MAPK10: variants seen among roughly 807,000 people sequenced by gnomAD.
MAPK10 encodes mitogen-activated protein kinase 10, also known as JNK3 alpha protein kinase.
A neutral mutation model predicts 59.3 loss-of-function variants in MAPK10; 25 were observed. The observed-to-expected ratio is 0.42, with a 90% CI of 0.31 to 0.59. The LOEUF (loss-of-function observed/expected upper bound fraction) is 0.59. Ranked by LOEUF, MAPK10 falls within the 20% of genes least tolerant of loss-of-function variation. The pLI is 0.15. For synonymous variants in MAPK10, 190 were observed against 200.5 expected, an observed-to-expected ratio of 0.95 and a Z score of 0.44; for missense variants, 351 against 568.9, an observed-to-expected ratio of 0.62 and a Z score of 3.90.
chr4:86,237,590 A>T (rs539982397), intron 2 of MAPK10, among the ~76,000 whole-genome samples: 258 of 152,162 alleles, frequency 1.7e-3, no homozygotes, highest in Non-Finnish European at 3.4e-3. Flanking sequence ...TTTGAAATGC[A>T]TTTCTCTGAT....
rs544794774 is a variant in MAPK10 at position 86,482,485 on chromosome 4, G to C, written c.-263+111425C>G. ...GTTACGTGCCATGATTTGAAGGATG[G>C]TGGGGGGATGCAGAGGGAGGAAGAA... On this transcript the variant is annotated intron_variant, in intron 1 of 4. Transcript: ENST00000502302. Among the ~76,000 whole-genome samples, 9 of 152,206 alleles carry C rather than the reference G, an allele frequency of 5.9e-5. No homozygotes were observed. In the South Asian group the frequency reaches 1.9e-3, roughly 32 times the overall value.
At position 86,017,118 on chromosome 4, in the gene MAPK10, T is replaced by A; in HGVS notation, c.*110A>T. The A allele has an allele frequency of 8.1e-7, 1 of 1,229,658 alleles. No homozygotes were observed. Among genetic ancestry groups the A allele is most frequent in the East Asian group, 2.4e-5 (1 of 42,130 alleles). 76.2% of individuals were successfully genotyped at this position (1,229,658 alleles called of 1,614,324 possible). On this transcript the variant is annotated 3_prime_UTR_variant, in exon 14 of 14. Coordinates refer to ENST00000641462, the MANE Select transcript of MAPK10 (RefSeq NM_138982.4). This position sits in a 1 kb window ranked among gnomAD's most constrained non-coding sequence, Gnocchi z 4.4. ...TAGGCTTGGATTCTCTCCCTTGCTG[T>A]TTTCTTGATGTTGTGTGTCTGCATT...
Position 86,159,291 on chromosome 4 carries a change from C to G in MAPK10, c.236+7G>C. On this transcript the variant is annotated splice_region_variant and intron_variant, in intron 4 of 13. Transcript: ENST00000641462. ...CTTTAAAAATACAGCAAATCCATTC[C>G]GCTTACCAAACTATGCCCTGAGCCC... 1 of 1,589,288 alleles carries G rather than the reference C, an allele frequency of 6.3e-7. No individual in the cohort carries two copies. The highest frequency in any genetic ancestry group is 1.1e-5 in the South Asian group (1 of 87,626).
chr4:86,186,978 T>C (rs1011470402), intron 3 of MAPK10, among the ~76,000 whole-genome samples: 3 of 152,130 alleles, frequency 2.0e-5, no homozygotes, highest in African/African-American at 7.2e-5. Flanking sequence ...TATTGTTGGT[T>C]AACATTTTTA....
At chr4:86,321,370 T>C (rs1434649763) in intron 2 of MAPK10, among the ~76,000 whole-genome samples, 1 of 151,394 alleles carries the variant, frequency 6.6e-6, no homozygotes, top group Non-Finnish European at 1.5e-5. Flanking sequence ...ATTAAGAAAA[T>C]GTGGCACATA....
intron 2 of MAPK10, among the ~76,000 whole-genome samples, chr4:86,321,619 A>C (rs1299636487): frequency 1.3e-5 from 2 of 149,966 alleles, no homozygotes; most frequent in Non-Finnish European, 3.0e-5. Context: ...TAGCTTTAGG[A>C]GATATACCTA....
At chr4:86,094,903 A>C (rs550787542) in intron 9 of MAPK10, among the ~76,000 whole-genome samples, 2 of 151,984 alleles carry the variant, frequency 1.3e-5, no homozygotes. Flanking sequence ...ATGTTTAAAG[A>C]ATGTTTAGTA....
At chr4:86,419,090 C>A (rs1746190602) in intron 1 of MAPK10, among the ~76,000 whole-genome samples, 1 of 152,128 alleles carries the variant, frequency 6.6e-6, no homozygotes, top group Admixed American at 6.5e-5. Flanking sequence ...TCAGAAATCA[C>A]CACTAAAGAA....
At chr4:86,187,265 T>C (rs1422023371) in intron 3 of MAPK10, among the ~76,000 whole-genome samples, 1 of 152,168 alleles carries the variant, frequency 6.6e-6, no homozygotes, top group Non-Finnish European at 1.5e-5. Context: ...CAATAACTAA[T>C]ATAAAATAGA....
chr4:86,265,909 G>C (rs1456718457), intron 2 of MAPK10, among the ~76,000 whole-genome samples: 1 of 152,114 alleles, frequency 6.6e-6, no homozygotes, highest in Non-Finnish European at 1.5e-5. Flanking sequence ...TCCTAGGCCT[G>C]CTCTGACCTT....
At chr4:86,518,419 C>A (rs1296147689) in intron 1 of MAPK10, among the ~76,000 whole-genome samples, 2 of 152,148 alleles carry the variant, frequency 1.3e-5, no homozygotes, top group Non-Finnish European at 2.9e-5. Flanking sequence ...TTCATAGTAG[C>A]CTTGAATGAT....
intron 2 of MAPK10, among the ~76,000 whole-genome samples, chr4:86,204,487 C>T (rs1347544411): frequency 6.6e-6 from 1 of 151,868 alleles, no homozygotes; most frequent in Non-Finnish European, 1.5e-5. Context: ...GGACACCAAT[C>T]AAGATAGCTA....
chr4:86,578,797 GACGTCTTGCACC>G, intron 1 of MAPK10, among the ~76,000 whole-genome samples: 1 of 152,098 alleles, frequency 6.6e-6, no homozygotes, highest in Non-Finnish European at 1.5e-5. Context: ...TGTCTTGATT[GACGTCTTGCACC>G]TCAAGTTCCA....
At chr4:86,022,617 G>A (rs980865705) in intron 13 of MAPK10, among the ~76,000 whole-genome samples, 1 of 151,910 alleles carries the variant, frequency 6.6e-6, no homozygotes, top group Non-Finnish European at 1.5e-5. Flanking sequence ...CAATTCTCCT[G>A]CCCCAGCCTC....
intron 6 of MAPK10, chr4:86,102,247 G>A: frequency 2.3e-6 from 1 of 433,678 alleles, no homozygotes; most frequent in Non-Finnish European, 4.1e-6. Flanking sequence ...ATTAATGTCT[G>A]GTTCATGTCC....
At chr4:86,320,469 T>A (rs1221727335) in intron 2 of MAPK10, among the ~76,000 whole-genome samples, 1 of 152,196 alleles carries the variant, frequency 6.6e-6, no homozygotes, top group African/African-American at 2.4e-5. Flanking sequence ...ACACTTTTTG[T>A]CAGAAAGAAT....
chr4:86,484,746 A>T (rs371553990), intron 1 of MAPK10, among the ~76,000 whole-genome samples: 7 of 71,090 alleles, frequency 9.8e-5, no homozygotes, highest in Admixed American at 6.7e-4. Flanking sequence ...TTACAGATTT[A>T]AAAAAAAACT....
At chr4:86,486,381 A>G (rs1753997090) in intron 1 of MAPK10, among the ~76,000 whole-genome samples, 1 of 152,230 alleles carries the variant, frequency 6.6e-6, no homozygotes, top group African/African-American at 2.4e-5. Context: ...AGAAAAAGAA[A>G]AAGAGAAGCA....
chr4:86,199,773 CA>C (rs1019238093), intron 2 of MAPK10, among the ~76,000 whole-genome samples: 3 of 151,930 alleles, frequency 2.0e-5, no homozygotes, highest in African/African-American at 7.2e-5. Context: ...TCAAGTGACA[CA>C]AGGAATTAGT....
Sources: gnomAD v4.1 joint callset for allele counts (sites outside exome capture counted in the v4.1 genomes callset) on GRCh38, gnomAD v4.1.1 for gene constraint, Gnocchi (gnomAD v3.1) non-coding constraint, MANE v1.5 for transcripts, NCBI Gene and HGNC (gene_info 2026-07-23, HGNC 2026-07-21) for gene names.